The following NCKAP5 variants were observed in gnomAD, a reference collection of about 807,000 sequenced individuals.
NCKAP5 encodes nck-associated protein 5.
NCKAP5 carries 92 observed loss-of-function variants against 167.0 expected under a neutral mutation model. The observed-to-expected ratio is 0.55, with a 90% CI of 0.47 to 0.66. The LOEUF (loss-of-function observed/expected upper bound fraction) is 0.66, where lower values mean the gene tolerates loss of function less well. NCKAP5 is among the 30% of genes least tolerant of loss of function. NCKAP5 has a pLI of 0.00. For synonymous variants in NCKAP5, 891 were observed against 877.4 expected (o/e 1.02, Z -0.27); for missense variants, 2,378 against 2,315.0 (o/e 1.03, Z -0.56).
chr2:133,590,630 A>G, the NCKAP5 span, among the ~76,000 whole-genome samples: 2 of 152,060 alleles, frequency 1.3e-5, no homozygotes, highest in Non-Finnish European at 1.5e-5. Flanking sequence ...CAGCAAAAGA[A>G]AAGTAGAAAT....
chr2:133,183,943 A>G (rs1428713684), intron 5 of NCKAP5, among the ~76,000 whole-genome samples: 2 of 152,128 alleles, frequency 1.3e-5, no homozygotes, highest in African/African-American at 2.4e-5. Flanking sequence ...GTGCAAAACA[A>G]AATTTATATT....
At chr2:133,014,600 C>G (rs1237416720) in intron 6 of NCKAP5, among the ~76,000 whole-genome samples, 4 of 152,132 alleles carry the variant, frequency 2.6e-5, no homozygotes, top group Admixed American at 2.6e-4. Context: ...CTTTGAACAC[C>G]AGGAAAAACA....
At chr2:133,444,233 C>T (rs868604909) in intron 3 of NCKAP5, among the ~76,000 whole-genome samples, 2 of 152,046 alleles carry the variant, frequency 1.3e-5, no homozygotes, top group Non-Finnish European at 2.9e-5. Flanking sequence ...GTACCATGGT[C>T]TAGGGAAAGA....
At chr2:132,708,317 G>C (rs1688548610) in intron 19 of NCKAP5, among the ~76,000 whole-genome samples, 1 of 152,164 alleles carries the variant, frequency 6.6e-6, no homozygotes, top group African/African-American at 2.4e-5. Context: ...CCCTGGGCCA[G>C]AGGGGAGCCA....
intron 2 of NCKAP5, chr2:133,558,204 T>G (rs892714814): frequency 1.3e-5 from 2 of 152,200 alleles, no homozygotes; most frequent in Admixed American, 1.3e-4. Flanking sequence ...ATGAGCATTA[T>G]AATAAAGTCC....
intron 8 of NCKAP5, among the ~76,000 whole-genome samples, chr2:132,890,026 C>G (rs186324128): frequency 6.6e-6 from 1 of 152,178 alleles, no homozygotes; most frequent in Non-Finnish European, 1.5e-5. Flanking sequence ...GGCTTTCCCA[C>G]GGCAAAAGCT....
At chr2:133,658,210 C>G in the NCKAP5 span, among the ~76,000 whole-genome samples, 38 of 151,864 alleles carry the variant, frequency 2.5e-4, no homozygotes, top group Non-Finnish European at 4.9e-4. Flanking sequence ...AGAAATGGGC[C>G]GGGGAGAACT....
chr2:133,234,281 C>A (rs536790896), intron 4 of NCKAP5, among the ~76,000 whole-genome samples: 16 of 152,286 alleles, frequency 1.1e-4, no homozygotes, highest in Non-Finnish European at 1.5e-4. Flanking sequence ...AAGTACACTG[C>A]AGAATTTCAA....
chr2:133,260,447 T>C (rs1481112034), intron 4 of NCKAP5, among the ~76,000 whole-genome samples: 1 of 152,158 alleles, frequency 6.6e-6, no homozygotes, highest in East Asian at 1.9e-4. Flanking sequence ...TTGAGTTAAT[T>C]CACAACTCCC....
At chr2:132,858,432 G>A (rs1689633852) in intron 11 of NCKAP5, among the ~76,000 whole-genome samples, 1 of 152,148 alleles carries the variant, frequency 6.6e-6, no homozygotes, top group Admixed American at 6.5e-5. Context: ...GCATCCATAG[G>A]TGTAAAGCAA....
chr2:133,012,949 G>A (rs1008650715), intron 6 of NCKAP5, among the ~76,000 whole-genome samples: 1 of 152,012 alleles, frequency 6.6e-6, no homozygotes, highest in Non-Finnish European at 1.5e-5. Flanking sequence ...TCTCACACAG[G>A]CTCTCTGCCT....
At chr2:133,563,937 C>T (rs1688361319) in intron 1 of NCKAP5, among the ~76,000 whole-genome samples, 1 of 152,102 alleles carries the variant, frequency 6.6e-6, no homozygotes, top group Non-Finnish European at 1.5e-5. Flanking sequence ...AGTTTGAGAC[C>T]AGCCCGGCTA....
chr2:132,829,889 T>G, intron 11 of NCKAP5, among the ~76,000 whole-genome samples: 1 of 152,182 alleles, frequency 6.6e-6, no homozygotes, highest in Non-Finnish European at 1.5e-5. Flanking sequence ...TACACATCAT[T>G]AGGTTTGTTT....
At chr2:133,236,148 G>A (rs1004674425) in intron 4 of NCKAP5, among the ~76,000 whole-genome samples, 1 of 148,468 alleles carries the variant, frequency 6.7e-6, no homozygotes, top group African/African-American at 2.5e-5. Context: ...CAAGCTTCAG[G>A]TATGAGTCAT....
In NCKAP5 at chr2:133,333,199, A is replaced by G. The variant is rs12465354; in HGVS notation, c.70-30089T>C. On this transcript the variant is annotated intron_variant, in intron 3 of 19. Transcript: ENST00000409261. The stretch of plus-strand genomic sequence containing the variant: ...TCTGACTAGCAGCTCCTAGAGTTTC[A>G]TAGGAGATTGGAAGTTAATTCTTTT... Among the ~76,000 whole-genome samples the G allele has an allele frequency of 3.7e-3, 557 of 152,314 alleles. 19 individuals are homozygous for G. The highest frequency in any genetic ancestry group is 0.031 in the Admixed American group (473 of 15,294).
chr2:133,000,875 C>A (rs2077753459), intron 6 of NCKAP5, among the ~76,000 whole-genome samples: 1 of 152,078 alleles, frequency 6.6e-6, no homozygotes, highest in Admixed American at 6.5e-5. Flanking sequence ...AAGCCACACA[C>A]AAAAGACAAA....
intron 19 of NCKAP5, among the ~76,000 whole-genome samples, chr2:132,688,822 C>T (rs1334300633): frequency 2.0e-5 from 3 of 151,638 alleles, no homozygotes; most frequent in Non-Finnish European, 4.4e-5. Flanking sequence ...TCTATCTCTA[C>T]AAAAAATACA....
At chr2:133,200,377 A>C (rs1192181623) in intron 5 of NCKAP5, among the ~76,000 whole-genome samples, 3 of 152,094 alleles carry the variant, frequency 2.0e-5, no homozygotes, top group Admixed American at 2.0e-4. Context: ...TAAAGACAAA[A>C]ATATTCTTTT....
chr2:133,628,295 T>C, the NCKAP5 span, among the ~76,000 whole-genome samples: 1 of 152,156 alleles, frequency 6.6e-6, no homozygotes, highest in Non-Finnish European at 1.5e-5. Context: ...TTCAGCAAAG[T>C]GTCAGGATAC....
Sources: allele counts gnomAD v4.1 joint callset (sites outside exome capture counted in the v4.1 genomes callset), GRCh38; gene constraint gnomAD v4.1.1; transcripts MANE v1.5; gene names NCBI Gene and HGNC (gene_info 2026-07-23, HGNC 2026-07-21).